Variants in SPAG16 observed in about 807,000 individuals in gnomAD.
SPAG16 encodes the protein sperm associated antigen 16, also known as sperm-associated antigen 16 protein.
Under a neutral mutation model 80.4 loss-of-function variants are expected in SPAG16, and 86 were observed. The ratio of observed to expected loss-of-function variants is 1.07; its 90% confidence interval spans 0.90 to 1.28. The LOEUF is 1.28. SPAG16 is among the 50% of genes most tolerant of loss of function. SPAG16 has a pLI of 0.00. For missense variants in SPAG16, 870 were observed against 765.3 expected (o/e 1.14, Z -1.61); for synonymous variants, 294 against 265.9 (o/e 1.11, Z -1.03).
At chr2:214,146,834 A>G (rs927367370) in intron 14 of SPAG16, among the ~76,000 whole-genome samples, 2 of 152,020 alleles carry the variant, frequency 1.3e-5, no homozygotes, top group Non-Finnish European at 2.9e-5. Context: ...CCCCGTCTCT[A>G]CTAAAAATAC....
At chr2:214,407,219 G>A (rs1371683925) in intron 15 of SPAG16, among the ~76,000 whole-genome samples, 1 of 151,726 alleles carries the variant, frequency 6.6e-6, no homozygotes, top group African/African-American at 2.4e-5. Flanking sequence ...TGATTTTTAT[G>A]GAATGTGTGT....
intron 10 of SPAG16, among the ~76,000 whole-genome samples, chr2:213,650,050 T>G (rs1262698802): frequency 6.7e-6 from 1 of 150,342 alleles, no homozygotes; most frequent in African/African-American, 2.4e-5. Context: ...TTATTTGTTC[T>G]CAAGGAGAAC....
rs914386407 is a variant in SPAG16, at chr2:214,010,334, A to G, written c.1401-3617A>G. Among the ~76,000 whole-genome samples, 41 of 146,810 alleles carry G rather than the reference A, an allele frequency of 2.8e-4. 2 individuals are homozygous for G. Among genetic ancestry groups the G allele is most frequent in the Non-Finnish European group, 4.3e-4 (29 of 67,376 alleles). On this transcript the variant is annotated intron_variant, in intron 12 of 15. Transcript: ENST00000331683. ...ATTAAACGTAAAGGCAAATTAGACA[A>G]AAAAGGACATAGTGTTTCTAAACAA...
chr2:213,565,798 T>C (rs993236741), intron 10 of SPAG16, among the ~76,000 whole-genome samples: 5 of 152,138 alleles, frequency 3.3e-5, no homozygotes, highest in African/African-American at 1.2e-4. Flanking sequence ...GGTAGGCCTT[T>C]TAAATACTTT....
intron 14 of SPAG16, among the ~76,000 whole-genome samples, chr2:214,119,694 T>C (rs1210390364): frequency 1.7e-4 from 26 of 152,108 alleles, no homozygotes; most frequent in Admixed American, 1.4e-3. Flanking sequence ...ATATGTTTTA[T>C]TATTTCTTTG....
chr2:213,725,503 G>A (rs748135022), intron 10 of SPAG16, among the ~76,000 whole-genome samples: 1 of 152,104 alleles, frequency 6.6e-6, no homozygotes, highest in Non-Finnish European at 1.5e-5. Flanking sequence ...AAAACTGGTG[G>A]CACAGAATTC....
intron 9 of SPAG16, among the ~76,000 whole-genome samples, chr2:213,389,313 A>G (rs1406304112): frequency 6.6e-6 from 1 of 152,270 alleles, no homozygotes; most frequent in South Asian, 2.1e-4. Flanking sequence ...TAAAACTCTC[A>G]GAAGAAAATA....
chr2:214,044,484 G>C (rs915599543), intron 13 of SPAG16, among the ~76,000 whole-genome samples: 2 of 152,034 alleles, frequency 1.3e-5, no homozygotes, highest in Non-Finnish European at 2.9e-5. Context: ...GGAACAATAT[G>C]GAAGAATATA....
chr2:214,252,174 G>A (rs1279253046), intron 15 of SPAG16, among the ~76,000 whole-genome samples: 1 of 151,882 alleles, frequency 6.6e-6, no homozygotes, highest in Non-Finnish European at 1.5e-5. Flanking sequence ...GTTTCCCAGG[G>A]GCAGTATGGA....
chr2:214,201,101 C>G (rs2057996225), intron 15 of SPAG16, among the ~76,000 whole-genome samples: 1 of 152,048 alleles, frequency 6.6e-6, no homozygotes, highest in Admixed American at 6.6e-5. Flanking sequence ...TTTTGTGGAT[C>G]AATTAGCAAA....
chr2:214,305,450 G>T (rs1194095205), intron 15 of SPAG16, among the ~76,000 whole-genome samples: 1 of 152,034 alleles, frequency 6.6e-6, no homozygotes, highest in Admixed American at 6.5e-5. Context: ...CTTTGCCTGT[G>T]CCTATGTCCT....
intron 10 of SPAG16, among the ~76,000 whole-genome samples, chr2:213,807,128 C>T (rs2071816357): frequency 6.6e-6 from 1 of 152,148 alleles, no homozygotes; most frequent in South Asian, 2.1e-4. Flanking sequence ...TCTTTACCAA[C>T]TAACACACTA....
At chr2:213,592,416 G>A (rs536344509) in intron 10 of SPAG16, among the ~76,000 whole-genome samples, 14 of 152,180 alleles carry the variant, frequency 9.2e-5, no homozygotes, top group African/African-American at 3.1e-4. Context: ...ATATTCTGAA[G>A]TATTTGCTTA....
chr2:213,420,993 C>T (rs970415310), intron 9 of SPAG16, among the ~76,000 whole-genome samples: 5 of 152,172 alleles, frequency 3.3e-5, no homozygotes, highest in African/African-American at 1.2e-4. Context: ...GCCAGGGCTG[C>T]AGGAGAGTCA....
chr2:213,891,954 A>G (rs2076799787), intron 11 of SPAG16, among the ~76,000 whole-genome samples: 1 of 152,186 alleles, frequency 6.6e-6, no homozygotes. Flanking sequence ...TTACTCACAG[A>G]AAGCATTACA....
At chr2:213,832,379 C>T (rs887098781) in intron 10 of SPAG16, among the ~76,000 whole-genome samples, 1 of 152,190 alleles carries the variant, frequency 6.6e-6, no homozygotes, top group East Asian at 1.9e-4. Context: ...TGAAGGACAT[C>T]AGAAGGCTTT....
At chr2:214,232,606 A>G (rs187799486) in intron 15 of SPAG16, among the ~76,000 whole-genome samples, 2 of 152,058 alleles carry the variant, frequency 1.3e-5, no homozygotes, top group Admixed American at 6.6e-5. Context: ...CTCAGATTGT[A>G]TTGGATTTAC....
At chr2:213,445,380 A>C (rs2125547553) in intron 9 of SPAG16, among the ~76,000 whole-genome samples, 1 of 152,332 alleles carries the variant, frequency 6.6e-6, no homozygotes, top group Non-Finnish European at 1.5e-5. Flanking sequence ...CAACAGATAT[A>C]GCTGGGCGTG....
chr2:213,325,906 G>A (rs542775768), intron 5 of SPAG16, among the ~76,000 whole-genome samples: 1 of 152,082 alleles, frequency 6.6e-6, no homozygotes, highest in South Asian at 2.1e-4. Flanking sequence ...AGGAGCTTAA[G>A]TGATTGTGTG....
Sources: gnomAD v4.1 joint callset for allele counts (sites outside exome capture counted in the v4.1 genomes callset) on GRCh38, gnomAD v4.1.1 for gene constraint, MANE v1.5 for transcripts, NCBI Gene and HGNC (gene_info 2026-07-23, HGNC 2026-07-21) for gene names.